EDIL3: variants seen among roughly 807,000 people sequenced by gnomAD.
The protein encoded by EDIL3 is EGF like and discoidin domains 3, also known as EGF-like repeat and discoidin I-like domain-containing protein 3.
In EDIL3, 37 loss-of-function variants were observed where a neutral mutation model predicts 67.4. The ratio of observed to expected loss-of-function variants is 0.55; its 90% confidence interval spans 0.42 to 0.72. EDIL3 has a LOEUF of 0.72. Among genes scored for constraint, EDIL3 ranks in the 30% least tolerant of loss-of-function variants. The pLI is 0.00. For synonymous variants in EDIL3, 195 were observed against 196.3 expected (o/e 0.99, Z 0.05); for missense variants, 527 against 586.3 (o/e 0.90, Z 1.04).
chr5:84,308,788 G>C (rs1400681077), intron 1 of EDIL3, among the ~76,000 whole-genome samples: 1 of 152,136 alleles, frequency 6.6e-6, no homozygotes, highest in Non-Finnish European at 1.5e-5. Context: ...CAATTGGTCT[G>C]ATACATATTT....
chr5:84,204,153 C>T (rs890651979), intron 3 of EDIL3, among the ~76,000 whole-genome samples: 11 of 152,150 alleles, frequency 7.2e-5, no homozygotes, highest in African/African-American at 1.9e-4. Flanking sequence ...ACTTAACCAA[C>T]ATAATAAGAA....
chr5:84,129,916 C>T lies in EDIL3; in HGVS notation c.469+7325G>A, dbSNP rs989256083. ...TAAAAGATAAGATATACTAAAGGTG[C>T]TATCACATGTTGGTTAAATAACAAT... On this transcript the variant is annotated intron_variant, in intron 5 of 10. Transcript: ENST00000296591. Among the ~76,000 whole-genome samples the T allele has an allele frequency of 8.7e-4, 132 of 152,200 alleles. 1 individual carries two copies. The highest frequency in any genetic ancestry group is 3.1e-3 in the African/African-American group (127 of 41,556).
intron 6 of EDIL3, among the ~76,000 whole-genome samples, chr5:84,075,483 C>CTTCTTCTTCTTCTTCTTCTTCTTCTTA (rs751286945): frequency 5.3e-5 from 8 of 150,974 alleles, no homozygotes; most frequent in African/African-American, 2.0e-4. Flanking sequence ...TCTTCTTCTT[C>CTTCTTCTTCTTCTTCTTCTTCTTCTTA]TTATTATTTT....
intron 3 of EDIL3, among the ~76,000 whole-genome samples, chr5:84,222,067 A>C (rs2112401258): frequency 6.6e-6 from 1 of 152,084 alleles, no homozygotes; most frequent in East Asian, 1.9e-4. Flanking sequence ...CCACAAGAAA[A>C]CAAGAAAGAA....
At chr5:84,044,094 C>A (rs1012245961) in intron 9 of EDIL3, among the ~76,000 whole-genome samples, 2 of 151,836 alleles carry the variant, frequency 1.3e-5, no homozygotes, top group Admixed American at 6.6e-5. Context: ...TGTGTGATGT[C>A]CCCCTCCCTG....
At chr5:84,199,523 T>C (rs1743786828) in intron 3 of EDIL3, among the ~76,000 whole-genome samples, 1 of 151,932 alleles carries the variant, frequency 6.6e-6, no homozygotes, top group Admixed American at 6.6e-5. Flanking sequence ...TGCAGATTTC[T>C]AAGCAAGAAG....
In EDIL3 at chr5:84,279,728, T is replaced by C. The variant is rs544677420; in HGVS notation, c.68-25516A>G. Among the ~76,000 whole-genome samples the C allele has an allele frequency of 3.9e-5, 6 of 152,328 alleles. No individual in the cohort carries two copies. In the South Asian group the frequency reaches 6.2e-4, roughly 16 times the overall value. On this transcript the variant is annotated intron_variant, in intron 1 of 10. Coordinates refer to ENST00000296591, the MANE Select transcript of EDIL3 (RefSeq NM_005711.5). ...TGACCCACTTCTCAGAGTGAAATCA[T>C]AGGGCAGAAGCTTCGATAAGATATT... is the stretch of plus-strand genomic sequence containing the variant.
chr5:83,983,890 T>C (rs1362378956), intron 9 of EDIL3, among the ~76,000 whole-genome samples: 1 of 151,814 alleles, frequency 6.6e-6, no homozygotes, highest in Non-Finnish European at 1.5e-5. Context: ...TAGGGGCAAG[T>C]AGAGGAAACT....
At chr5:84,174,814 G>A (rs1415137909) in intron 4 of EDIL3, among the ~76,000 whole-genome samples, 1 of 152,138 alleles carries the variant, frequency 6.6e-6, no homozygotes, top group Non-Finnish European at 1.5e-5. Context: ...CAGAGTGATT[G>A]TTATTTGTTT....
intron 9 of EDIL3, among the ~76,000 whole-genome samples, chr5:83,970,684 T>G (rs946589630): frequency 9.7e-4 from 127 of 131,494 alleles, no homozygotes; most frequent in African/African-American, 3.3e-3. Flanking sequence ...TATATATATA[T>G]TTAAGAACAT....
chr5:84,358,595 T>TTC (rs1747535494), intron 1 of EDIL3, among the ~76,000 whole-genome samples: 1 of 113,166 alleles, frequency 8.8e-6, no homozygotes, highest in Non-Finnish European at 1.9e-5. Flanking sequence ...TTTTATCCTT[T>TTC]TTTTTTTTTT....
intron 2 of EDIL3, among the ~76,000 whole-genome samples, chr5:84,241,702 C>A (rs1312921558): frequency 1.3e-5 from 2 of 148,914 alleles, no homozygotes; most frequent in African/African-American, 4.9e-5. Flanking sequence ...AAAAAAACAA[C>A]CTGACATAAA....
At chr5:84,202,625 T>C (rs1743867813) in intron 3 of EDIL3, among the ~76,000 whole-genome samples, 1 of 152,164 alleles carries the variant, frequency 6.6e-6, no homozygotes, top group South Asian at 2.1e-4. Flanking sequence ...AGATAAATTG[T>C]AATGCCATTT....
chr5:84,035,625 A>G (rs1300816567), intron 9 of EDIL3, among the ~76,000 whole-genome samples: 1 of 152,188 alleles, frequency 6.6e-6, no homozygotes, highest in Non-Finnish European at 1.5e-5. Context: ...TTCCTATCAA[A>G]TTGTAAGAAA....
At chr5:83,981,505 T>A (rs1045371793) in intron 9 of EDIL3, among the ~76,000 whole-genome samples, 1 of 152,094 alleles carries the variant, frequency 6.6e-6, no homozygotes, top group Non-Finnish European at 1.5e-5. Flanking sequence ...TTTTGCTTCT[T>A]AAATATTCAG....
At chr5:83,956,968 T>G (rs1175465965) in intron 10 of EDIL3, among the ~76,000 whole-genome samples, 1 of 151,782 alleles carries the variant, frequency 6.6e-6, no homozygotes, top group Non-Finnish European at 1.5e-5. Flanking sequence ...TTAGTTTCAA[T>G]TAAGTCACTC....
At chr5:84,040,662 T>C (rs1332853260) in intron 9 of EDIL3, among the ~76,000 whole-genome samples, 2 of 151,998 alleles carry the variant, frequency 1.3e-5, no homozygotes, top group Non-Finnish European at 2.9e-5. Flanking sequence ...AAAGATTTGT[T>C]GTTGGATTTA....
chr5:84,236,826 AC>A (rs1744692437), intron 2 of EDIL3, among the ~76,000 whole-genome samples: 1 of 151,936 alleles, frequency 6.6e-6, no homozygotes, highest in East Asian at 1.9e-4. Context: ...TGAAAATTAA[AC>A]CTAAGAAAAT....
intron 1 of EDIL3, among the ~76,000 whole-genome samples, chr5:84,364,058 A>G (rs548533979): frequency 6.6e-6 from 1 of 152,174 alleles, no homozygotes; most frequent in Non-Finnish European, 1.5e-5. Context: ...AACACAACCA[A>G]GGGAAGATTA....
Sources: allele counts gnomAD v4.1 joint callset (sites outside exome capture counted in the v4.1 genomes callset), GRCh38; gene constraint gnomAD v4.1.1; transcripts MANE v1.5; gene names NCBI Gene and HGNC (gene_info 2026-07-23, HGNC 2026-07-21).